LRP1: variants seen among roughly 807,000 people sequenced by gnomAD.
The protein encoded by LRP1 is LDL receptor related protein 1.
A neutral mutation model predicts 541.5 loss-of-function variants in LRP1; 51 were observed. The observed-to-expected ratio is 0.09, with a 90% CI of 0.08 to 0.12. LRP1 has a LOEUF of 0.12. LRP1 is among the 10% of genes least tolerant of loss of function. The probability of loss-of-function intolerance (pLI) is 1.00; values close to 1 mark genes in which losing one functional copy is unlikely to be tolerated. For synonymous variants in LRP1, 2,219 were observed against 2,470.8 expected (o/e 0.90, Z 3.02); for missense variants, 3,878 against 6,376.2 (o/e 0.61, Z 13.34).
Position 57,158,021 on chromosome 12 carries a change from G to C in LRP1, c.1562-381G>C, listed in dbSNP as rs764504379. 6.6e-6 allele frequency among the ~76,000 whole-genome samples: 1 copy of C among 152,192 alleles called. No individual in the cohort carries two copies. Among genetic ancestry groups the C allele is most frequent in the Admixed American group, 6.5e-5 (1 of 15,286 alleles). ...GTAGCCAGAAGACTTTCAGTGTAGTGGGCAAGAAGTGATGTGGTTTACACT... is the reference window on the plus strand; with the variant it reads ...GTAGCCAGAAGACTTTCAGTGTAGTCGGCAAGAAGTGATGTGGTTTACACT... On this transcript the variant is annotated intron_variant, in intron 10 of 88. Transcript: ENST00000243077. This position sits in a 1 kb window ranked among gnomAD's most constrained non-coding sequence, Gnocchi z 5.3.
At chr12:57,192,651 C>T (rs960371087) in intron 44 of LRP1, among the ~76,000 whole-genome samples, 194 bp from the exon 45 acceptor site, 2 of 152,368 alleles carry the variant, frequency 1.3e-5, no homozygotes, top group Admixed American at 6.5e-5. Context: ...GCACACCTGC[C>T]GAAAACCCCA....
intron 20 of LRP1, among the ~76,000 whole-genome samples, chr12:57,172,232 G>A (rs549444129): frequency 3.3e-5 from 5 of 151,668 alleles, no homozygotes; most frequent in East Asian, 1.9e-4. Context: ...GTGCAGTGGC[G>A]CAATCTCAGC....
intron 2 of LRP1, 89 bp from the exon 3 acceptor site, chr12:57,141,283 CCA>C (rs1279986946): frequency 6.7e-7 from 1 of 1,496,548 alleles, no homozygotes; most frequent in Non-Finnish European, 9.1e-7. Flanking sequence ...ATCTGAAACC[CCA>C]GTTTTATCTC....
intron 1 of LRP1, among the ~76,000 whole-genome samples, chr12:57,130,247 C>T (rs1229094863): frequency 6.6e-6 from 1 of 152,192 alleles, no homozygotes; most frequent in African/African-American, 2.4e-5. Flanking sequence ...ACCCCCTCCT[C>T]TGTCTTGCCA....
At position 57,177,720 on chromosome 12, in the gene LRP1, G is replaced by A. The variant is rs571930366; in HGVS notation, c.4361+129G>A. The A allele has an allele frequency of 3.9e-5, 44 of 1,136,642 alleles. No individual in the cohort carries two copies. In the East Asian group the frequency reaches 7.2e-4, roughly 19 times the overall value. The allele number at this position is 1,136,642 out of a possible 1,614,324, so 70.4% of individuals were successfully genotyped here. ...GAACTAGGAACGGTGGCAAAGGACTGGGCACAGGAGGAGGAGGACGGAGGG... is the reference window on the plus strand; with the variant it reads ...GAACTAGGAACGGTGGCAAAGGACTAGGCACAGGAGGAGGAGGACGGAGGG... On this transcript the variant is annotated intron_variant, in intron 26 of 88. Coordinates refer to ENST00000243077, the MANE Select transcript of LRP1 (RefSeq NM_002332.3). The surrounding 1 kb of genome is among the most constrained non-coding windows in gnomAD (Gnocchi z 6.8).
rs750136555 is a variant in LRP1, at chr12:57,195,870, G to A, written c.8568G>A (p.Pro2856=). The A allele has an allele frequency of 1.5e-5, 24 of 1,613,712 alleles. No individual in the cohort carries two copies. The highest frequency in any genetic ancestry group is 2.7e-5 in the African/African-American group (2 of 74,900). ...GGTCCATTCCTCCCCCAGAGTACCC[G>A]ACCTGCGGCCCCAGTGAGTTCCGCT... ...GSDESPECEY[P]TCGPSEFRCA... The change falls in exon 54 of 89, where the codon CCG becomes CCA. Residue 2856 remains proline, a synonymous_variant. Coordinates refer to ENST00000243077, the MANE Select transcript of LRP1 (RefSeq NM_002332.3).
intron 60 of LRP1, 35 bp downstream of exon 60, chr12:57,198,705 G>A: frequency 6.4e-7 from 1 of 1,567,968 alleles, no homozygotes; most frequent in Admixed American, 1.8e-5. Flanking sequence ...AGGCACAGCA[G>A]ACTCAGTGGG....
At position 57,193,563 on chromosome 12, in the gene LRP1, C is replaced by T. The variant is rs149641719; in HGVS notation, c.7685-3C>T. 3 of 1,613,066 alleles carry T rather than the reference C, an allele frequency of 1.9e-6. No individual in the cohort carries two copies. The highest frequency in any genetic ancestry group is 2.5e-6 in the Non-Finnish European group (3 of 1,179,432). ...GACACGCAGCCTACTCCTCCATTTG[C>T]AGACTCCCGCCGCTGCAAGAAGACT... On this transcript the variant is annotated splice_polypyrimidine_tract_variant and splice_region_variant and intron_variant, in intron 46 of 88. Transcript: ENST00000243077.
At chr12:57,166,557 C>G in intron 17 of LRP1, 1 of 390,132 alleles carries the variant, frequency 2.6e-6, no homozygotes, top group Non-Finnish European at 4.6e-6. Context: ...CGAGACCTGT[C>G]TCTAAAAATA....
chr12:57,194,022 GC>G lies in LRP1; in HGVS notation c.7918+13del. On this transcript the variant is annotated intron_variant, in intron 48 of 88. Transcript: ENST00000243077. ...GATGAGATGAACTGCAGTGAGTGAC[GC>G]CCTTTGCTGGCACCTCCTGGGCTCC... 1 of 1,610,954 alleles carries G rather than the reference GC, an allele frequency of 6.2e-7. No individual in the cohort carries two copies.
At position 57,173,089 on chromosome 12, in the gene LRP1, G is replaced by C; in HGVS notation, c.3164-79G>C. ...CTCATATCCCCAGGCTGGGCTTACC[G>C]GGGTGGCAGGGCACAGGGATGAGGA... On this transcript the variant is annotated intron_variant, in intron 20 of 88. Coordinates refer to ENST00000243077, the MANE Select transcript of LRP1 (RefSeq NM_002332.3). The surrounding 1 kb of genome is among the most constrained non-coding windows in gnomAD (Gnocchi z 4.7). 2 of 1,252,978 alleles carry C rather than the reference G, an allele frequency of 1.6e-6. No homozygotes were observed. Among genetic ancestry groups the C allele is most frequent in the Non-Finnish European group, 2.2e-6 (2 of 904,598 alleles). 77.6% of individuals were successfully genotyped at this position (1,252,978 alleles called of 1,614,324 possible).
chr12:57,166,941 C>T lies in LRP1; in HGVS notation c.2809C>T (p.Pro937Ser), dbSNP rs768083429. ...TCCCTGCCCCCCAGCCCGCACCTGC[C>T]CCCCCAACCAGTTCTCCTGTGCCAG... ...SNATCSARTC[P>S]PNQFSCASGR... The change falls in exon 18 of 89, where the codon CCC (proline) becomes TCC (serine). Residue 937 changes from proline (P) to serine (S), a missense_variant. Around this residue, in one of 13 missense-constraint regions of LRP1, gnomAD observed 29 missense variants for 20.7 expected, o/e 1.40. Transcript: ENST00000243077. 6.2e-7 allele frequency: 1 copy of T among 1,612,102 alleles called. No individual in the cohort carries two copies. Among genetic ancestry groups the T allele is most frequent in the East Asian group, 2.2e-5 (1 of 44,882 alleles).
chr12:57,179,357 T>A lies in LRP1; in HGVS notation c.4767T>A (p.Arg1589=), dbSNP rs1434147134. ...YEFKKFLLYA[R]QMEIRGVDLD... is the part of the protein sequence containing the mutation. ...TTAAGAAGTTCCTGCTGTACGCACG[T>A]CAGATGGAGATCCGAGGTGTGGACC... The change falls in exon 29 of 89, where the codon CGT becomes CGA. Residue 1589 remains arginine, a synonymous_variant. Coordinates refer to ENST00000243077, the MANE Select transcript of LRP1 (RefSeq NM_002332.3). The surrounding 1 kb of genome is among the most constrained non-coding windows in gnomAD (Gnocchi z 6.8). 2.5e-6 allele frequency: 4 copies of A among 1,614,178 alleles called. No homozygotes were observed. In the South Asian group the frequency reaches 4.4e-5, roughly 18 times the overall value.
At chr12:57,182,587 A>C (rs7398426) in intron 34 of LRP1, among the ~76,000 whole-genome samples, 61,080 of 150,838 alleles carry the variant, frequency 0.4, 13,428 homozygotes, top group African/African-American at 0.58. Flanking sequence ...GAGGCTAAAG[A>C]GGGCGGATTA....
chr12:57,136,105 G>T (rs983098768), intron 1 of LRP1, among the ~76,000 whole-genome samples: 1 of 152,218 alleles, frequency 6.6e-6, no homozygotes, highest in Non-Finnish European at 1.5e-5. Flanking sequence ...ACGGTTCTCC[G>T]GCATGCTAAC....
chr12:57,177,504 C>T lies in LRP1; in HGVS notation c.4274C>T (p.Thr1425Ile), dbSNP rs374007961. 66 of 1,613,590 alleles carry T rather than the reference C, an allele frequency of 4.1e-5. No homozygotes were observed. Among genetic ancestry groups the T allele is most frequent in the Non-Finnish European group, 5.6e-5 (66 of 1,179,928 alleles). Residue 1425 changes from threonine (T) to isoleucine (I), a missense_variant, in exon 26 of 89, where the codon ACC becomes ATC. This residue lies in a region of LRP1 where 16 missense variants were observed against 18.4 expected (regional missense o/e 0.87). Coordinates refer to ENST00000243077, the MANE Select transcript of LRP1 (RefSeq NM_002332.3). The surrounding 1 kb of genome is among the most constrained non-coding windows in gnomAD (Gnocchi z 6.8). ...TCCATGAGTGGGGCTGGGCGCCGCA[C>T]CGTGCACCGGGAGACCGGCTCTGGG... ...AASMSGAGRR[T>I]VHRETGSGGW...
At chr12:57,132,431 T>C (rs1033821242) in intron 1 of LRP1, among the ~76,000 whole-genome samples, 2 of 152,138 alleles carry the variant, frequency 1.3e-5, no homozygotes, top group Non-Finnish European at 2.9e-5. Flanking sequence ...GTCCCTATTC[T>C]GGGTCTCCCT....
chr12:57,185,030 C>T lies in LRP1; in HGVS notation c.6338+40C>T. The stretch of plus-strand genomic sequence containing the variant: ...CCTGGCCTCCTCAGCTGATCTCTTC[C>T]TTCCCTCCTGCCTCCACTGATGCCC... On this transcript the variant is annotated intron_variant, in intron 39 of 88. Transcript: ENST00000243077. This position sits in a 1 kb window ranked among gnomAD's most constrained non-coding sequence, Gnocchi z 4.9. 1 of 1,613,888 alleles carries T rather than the reference C, an allele frequency of 6.2e-7. No individual in the cohort carries two copies. The highest frequency in any genetic ancestry group is 8.5e-7 in the Non-Finnish European group (1 of 1,179,768).
intron 20 of LRP1, 111 bp downstream of exon 20, chr12:57,169,418 C>G: frequency 9.5e-7 from 1 of 1,049,768 alleles, no homozygotes; most frequent in South Asian, 1.7e-5. Flanking sequence ...CATCTGGGAG[C>G]CAGAGGTAGC....
Sources: gnomAD v4.1 joint callset for allele counts (sites outside exome capture counted in the v4.1 genomes callset) on GRCh38, gnomAD v4.1.1 for gene constraint, gnomAD v4.1.1 regional missense constraint, Gnocchi (gnomAD v3.1) non-coding constraint, MANE v1.5 for transcripts, NCBI Gene and HGNC (gene_info 2026-07-23, HGNC 2026-07-21) for gene names.